TSPAN18: variants seen among roughly 807,000 people sequenced by gnomAD.
TSPAN18 encodes tetraspanin-18.
Under a neutral mutation model 27.3 loss-of-function variants are expected in TSPAN18, and 14 were observed. The ratio of observed to expected loss-of-function variants is 0.51; its 90% CI spans 0.34 to 0.80. TSPAN18 has a LOEUF of 0.80. Among genes scored for constraint, TSPAN18 ranks in the 30% least tolerant of loss-of-function variants. The pLI is 0.01. For missense variants in TSPAN18, 268 were observed against 323.9 expected (o/e 0.83, Z 1.32); for synonymous variants, 143 against 136.5 (o/e 1.05, Z -0.33).
intron 8 of TSPAN18, among the ~76,000 whole-genome samples, chr11:44,922,273 T>C (rs1776815052): frequency 6.6e-6 from 1 of 152,124 alleles, no homozygotes; most frequent in South Asian, 2.1e-4. Context: ...CATGCCACCA[T>C]ACCCAGCTAA....
chr11:44,793,136 T>A (rs540293846), intron 2 of TSPAN18, among the ~76,000 whole-genome samples: 2 of 152,264 alleles, frequency 1.3e-5, no homozygotes, highest in Admixed American at 1.3e-4. Context: ...CCTCCTGGGT[T>A]AAAGTGATTC....
In TSPAN18 at chr11:44,785,398, A is replaced by T. The variant is rs148898258; in HGVS notation, c.-153+20886A>T. Reference sequence around the variant, plus strand: ...CAAATGCTTGTTGAGCTCTGCAACCACGGATAGAGTTACAGAGCTTCCGAA... The same window carrying T: ...CAAATGCTTGTTGAGCTCTGCAACCTCGGATAGAGTTACAGAGCTTCCGAA... On this transcript the variant is annotated intron_variant, in intron 2 of 9. Transcript: ENST00000520358. Among the ~76,000 whole-genome samples, 1,322 of 152,206 alleles carry T rather than the reference A, an allele frequency of 8.7e-3. 17 individuals carry two copies. Among genetic ancestry groups the T allele is most frequent in the African/African-American group, 0.03 (1,257 of 41,492 alleles).
intron 5 of TSPAN18, among the ~76,000 whole-genome samples, chr11:44,912,822 G>A (rs11038205): frequency 0.56 from 85,679 of 151,722 alleles, 24,874 homozygotes; most frequent in East Asian, 0.83. Flanking sequence ...GTGCATGGGC[G>A]TTACATGTGC....
Position 44,929,600 on chromosome 11 carries a change from C to T in TSPAN18, c.*422C>T. The T allele has an allele frequency of 5.6e-6, 1 of 177,156 alleles. No homozygotes were observed. The highest frequency in any genetic ancestry group is 1.2e-5 in the Non-Finnish European group (1 of 84,146). 11.0% of individuals were successfully genotyped at this position (177,156 alleles called of 1,614,324 possible). A position where few individuals can be genotyped will look rare whatever the true frequency, so the allele number is the denominator to read the frequency against. ...CAAATCTCAGAGAAGTCATCAAAGC[C>T]CAGGGGCTGCACGGAGATTCAGCTG... On this transcript the variant is annotated 3_prime_UTR_variant, in exon 10 of 10. Transcript: ENST00000520358.
intron 3 of TSPAN18, among the ~76,000 whole-genome samples, chr11:44,868,364 C>T (rs892593959): frequency 7.9e-5 from 12 of 152,172 alleles, no homozygotes; most frequent in Non-Finnish European, 1.5e-4. Flanking sequence ...ATGGAGGCAC[C>T]AGGACATGCA....
At chr11:44,815,614 G>A (rs1338765893) in intron 2 of TSPAN18, among the ~76,000 whole-genome samples, 6 of 152,204 alleles carry the variant, frequency 3.9e-5, no homozygotes, top group African/African-American at 1.4e-4. Flanking sequence ...GATTGCTCTA[G>A]AATGGCCCCA....
At chr11:44,851,981 T>A (rs861354) in intron 2 of TSPAN18, among the ~76,000 whole-genome samples, 1 of 151,950 alleles carries the variant, frequency 6.6e-6, no homozygotes, top group Non-Finnish European at 1.5e-5. Flanking sequence ...TGCAGAGACA[T>A]TGCCAGAATT....
At chr11:44,741,350 G>A (rs2134823635) in intron 1 of TSPAN18, among the ~76,000 whole-genome samples, 1 of 152,164 alleles carries the variant, frequency 6.6e-6, no homozygotes, top group East Asian at 1.9e-4. Flanking sequence ...TTTTAAAAAT[G>A]TGGTTGCTAT....
At chr11:44,925,558 T>C (rs1020788235) in intron 8 of TSPAN18, among the ~76,000 whole-genome samples, 1 of 152,192 alleles carries the variant, frequency 6.6e-6, no homozygotes, top group East Asian at 1.9e-4. Flanking sequence ...GTCCTACTTT[T>C]GGCCAAAGGG....
At chr11:44,872,649 G>C (rs1858226986) in intron 3 of TSPAN18, among the ~76,000 whole-genome samples, 1 of 152,152 alleles carries the variant, frequency 6.6e-6, no homozygotes, top group African/African-American at 2.4e-5. Flanking sequence ...GCCAGACTCT[G>C]CTTTAATGCT....
intron 3 of TSPAN18, among the ~76,000 whole-genome samples, chr11:44,898,718 T>C (rs192198253): frequency 6.6e-6 from 1 of 152,318 alleles, no homozygotes; most frequent in East Asian, 1.9e-4. Context: ...AGACCCACTC[T>C]CAGGATGACC....
At chr11:44,804,478 G>A (rs746325415) in intron 2 of TSPAN18, among the ~76,000 whole-genome samples, 1 of 152,154 alleles carries the variant, frequency 6.6e-6, no homozygotes, top group South Asian at 2.1e-4. Flanking sequence ...TCAGCACCTG[G>A]CAATGGATGA....
In TSPAN18 at chr11:44,931,806, T is replaced by G. The variant is rs1470206740; in HGVS notation, c.*2628T>G. ...TACAACCCACAGCAGGTTCTGGTGG[T>G]GGCTGGGGTTGTGGGGGAGGGGTGG... On this transcript the variant is annotated 3_prime_UTR_variant, in exon 10 of 10. Transcript: ENST00000520358. 1.4e-5 allele frequency: 2 copies of G among 141,496 alleles called. No homozygotes were observed. The highest frequency in any genetic ancestry group is 3.1e-5 in the Non-Finnish European group (2 of 64,496). 8.8% of individuals were successfully genotyped at this position (141,496 alleles called of 1,614,324 possible).
chr11:44,784,448 T>C (rs893082669), intron 2 of TSPAN18, among the ~76,000 whole-genome samples: 5 of 152,286 alleles, frequency 3.3e-5, no homozygotes, highest in East Asian at 3.9e-4. Context: ...ACAAAGGCCA[T>C]AGATGTTGAG....
intron 2 of TSPAN18, among the ~76,000 whole-genome samples, chr11:44,785,058 TC>T (rs1856023575): frequency 6.6e-6 from 1 of 152,208 alleles, no homozygotes. Context: ...TGGTTCTAAA[TC>T]TGGGCAGGGC....
chr11:44,802,697 AGGC>A (rs1438172974), intron 2 of TSPAN18, among the ~76,000 whole-genome samples: 9 of 151,702 alleles, frequency 5.9e-5, no homozygotes, highest in Non-Finnish European at 1.2e-4. Flanking sequence ...CAGGTGGTAA[AGGC>A]TGTGGGTGGG....
At chr11:44,862,578 G>A (rs1209717744) in intron 3 of TSPAN18, among the ~76,000 whole-genome samples, 2 of 152,202 alleles carry the variant, frequency 1.3e-5, no homozygotes, top group African/African-American at 4.8e-5. Context: ...TGTGCCAGGA[G>A]CTGTTTAAAT....
At position 44,853,557 on chromosome 11, in the gene TSPAN18, A is replaced by G. The variant is rs537137138; in HGVS notation, c.-152-6771A>G. Among the ~76,000 whole-genome samples the G allele has an allele frequency of 6.6e-5, 10 of 152,268 alleles. No homozygotes were observed. The South Asian group carries it at 2.1e-3, about 32-fold the overall frequency. On this transcript the variant is annotated intron_variant, in intron 2 of 9. Transcript: ENST00000520358. ...AGAATCCCCTCAGGTGATAACTGCC[A>G]TCGTCTCCGTCTTACACTTGGGGAA...
chr11:44,932,367 T>G lies in TSPAN18; in HGVS notation c.*3189T>G, dbSNP rs902380498. On this transcript the variant is annotated 3_prime_UTR_variant, in exon 10 of 10. Coordinates refer to ENST00000520358, the MANE Select transcript of TSPAN18 (RefSeq NM_130783.5). ...CCACACTGATGGTTTTGCACTGGTT[T>G]TTGTGAATGTTTCTTACAAAAAGAA... The G allele has an allele frequency of 1.3e-5, 2 of 152,290 alleles. No homozygotes were observed. The highest frequency in any genetic ancestry group is 4.8e-5 in the African/African-American group (2 of 41,470). The allele number at this position is 152,290 out of a possible 1,614,324, so 9.4% of individuals were successfully genotyped here.
Sources: gnomAD v4.1 joint callset for allele counts (sites outside exome capture counted in the v4.1 genomes callset) on GRCh38, gnomAD v4.1.1 for gene constraint, MANE v1.5 for transcripts, NCBI Gene and HGNC (gene_info 2026-07-23, HGNC 2026-07-21) for gene names.